The following RBFOX1 variants were observed in gnomAD, a reference collection of about 807,000 sequenced individuals.
The protein encoded by RBFOX1 is RNA binding protein fox-1 homolog 1.
Under a neutral mutation model 57.7 loss-of-function variants are expected in RBFOX1, and 8 were observed. The ratio of observed to expected loss-of-function variants is 0.14; its 90% confidence interval spans 0.08 to 0.25. The LOEUF is 0.25. Among genes scored for constraint, RBFOX1 ranks in the 10% least tolerant of loss-of-function variants. The probability of loss-of-function intolerance (pLI) is 1.00; values close to 1 mark genes in which losing one functional copy is unlikely to be tolerated. For synonymous variants in RBFOX1, 326 were observed against 222.4 expected (o/e 1.47, Z -4.15); for missense variants, 611 against 548.5 (o/e 1.11, Z -1.14).
In RBFOX1 at chr16:5,946,079, T is replaced by C. The variant is rs187336288; in HGVS notation, c.351+78744T>C. Among the ~76,000 whole-genome samples, 7 of 152,190 alleles carry C rather than the reference T, an allele frequency of 4.6e-5. No individual in the cohort carries two copies. The highest frequency in any genetic ancestry group is 8.8e-5 in the Non-Finnish European group (6 of 68,034). ...AGTGAGGGGGAGACAGGGTTTTAATTAGTGGACTGACTTACCCGCTATTCT... is the reference window on the plus strand; with the variant it reads ...AGTGAGGGGGAGACAGGGTTTTAATCAGTGGACTGACTTACCCGCTATTCT... On this transcript the variant is annotated intron_variant, in intron 4 of 19. Coordinates refer to the RBFOX1 transcript ENST00000641259. This position sits in a 1 kb window ranked among gnomAD's most constrained non-coding sequence, Gnocchi z 4.6.
chr16:7,061,787 A>T (rs921925291), intron 4 of RBFOX1, among the ~76,000 whole-genome samples: 4 of 152,104 alleles, frequency 2.6e-5, no homozygotes, highest in Admixed American at 2.6e-4. Context: ...CATTTCTATG[A>T]CTGATGCCTC....
chr16:7,496,853 T>G (rs12448059), intron 4 of RBFOX1, among the ~76,000 whole-genome samples: 91,043 of 151,854 alleles, frequency 0.6, 28,626 homozygotes, highest in Middle Eastern at 0.73. Flanking sequence ...GTTTAAAAAT[T>G]AATTATTTTG....
intron 2 of RBFOX1, among the ~76,000 whole-genome samples, chr16:6,343,676 CT>C (rs1447684532): frequency 1.3e-5 from 2 of 152,130 alleles, no homozygotes; most frequent in Non-Finnish European, 2.9e-5. Flanking sequence ...TTTTGAATTG[CT>C]AGCTACTGTT....
intron 4 of RBFOX1, among the ~76,000 whole-genome samples, chr16:7,279,197 G>A (rs992581803): frequency 4.0e-5 from 6 of 150,242 alleles, no homozygotes; most frequent in African/African-American, 1.5e-4. Flanking sequence ...TACCCTCTCT[G>A]ACTTACACAG....
chr16:7,199,923 AC>A (rs1460876635), intron 4 of RBFOX1, among the ~76,000 whole-genome samples: 2 of 152,124 alleles, frequency 1.3e-5, no homozygotes, highest in African/African-American at 4.8e-5. Context: ...AACAACAACA[AC>A]AACAACAAAG....
chr16:7,599,693 T>G (rs1341475389), intron 9 of RBFOX1, among the ~76,000 whole-genome samples: 3 of 134,880 alleles, frequency 2.2e-5, no homozygotes, highest in African/African-American at 9.6e-5. Context: ...TCACCCAGGC[T>G]GGAGGGCAGT....
At chr16:6,065,264 G>A (rs575874570) in intron 1 of RBFOX1, among the ~76,000 whole-genome samples, 1 of 150,660 alleles carries the variant, frequency 6.6e-6, no homozygotes, top group African/African-American at 2.4e-5. Context: ...CAAACTCCTG[G>A]TCTCAAGCAA....
chr16:7,058,602 GTCT>G (rs1428896288), intron 4 of RBFOX1, among the ~76,000 whole-genome samples: 1 of 152,040 alleles, frequency 6.6e-6, no homozygotes, highest in Non-Finnish European at 1.5e-5. Flanking sequence ...ATGCGCATGT[GTCT>G]TCGTGTTTGT....
chr16:5,383,836 G>C (rs1196464636), intron 1 of RBFOX1, among the ~76,000 whole-genome samples: 4 of 152,206 alleles, frequency 2.6e-5, no homozygotes, highest in Non-Finnish European at 1.5e-5. Flanking sequence ...TAGTAGAAAA[G>C]AGAGTTTATT....
intron 3 of RBFOX1, among the ~76,000 whole-genome samples, chr16:6,829,971 C>G (rs1270541438): frequency 6.6e-6 from 1 of 151,594 alleles, no homozygotes; most frequent in African/African-American, 2.4e-5. Flanking sequence ...GGCTGGAGTG[C>G]AGTGGTGCAG....
intron 2 of RBFOX1, among the ~76,000 whole-genome samples, chr16:6,358,467 G>C (rs1053588504): frequency 3.9e-5 from 6 of 152,168 alleles, no homozygotes; most frequent in African/African-American, 1.2e-4. Flanking sequence ...CTTAAATTTT[G>C]TTTGGATTAA....
intron 4 of RBFOX1, among the ~76,000 whole-genome samples, chr16:5,918,338 T>C (rs2058751890): frequency 6.6e-6 from 1 of 152,190 alleles, no homozygotes; most frequent in Non-Finnish European, 1.5e-5. Context: ...CAGGCTGGTC[T>C]CGAACTTCTG....
At chr16:7,456,245 C>T (rs1454417520) in intron 4 of RBFOX1, among the ~76,000 whole-genome samples, 1 of 152,180 alleles carries the variant, frequency 6.6e-6, no homozygotes, top group African/African-American at 2.4e-5. Context: ...ACCCTCCTCT[C>T]AACATTGCCT....
chr16:7,063,384 T>G (rs1352264207), intron 4 of RBFOX1, among the ~76,000 whole-genome samples: 1 of 152,150 alleles, frequency 6.6e-6, no homozygotes, highest in African/African-American at 2.4e-5. Flanking sequence ...GAACTTGTGA[T>G]GTTACGGGAT....
intron 3 of RBFOX1, among the ~76,000 whole-genome samples, chr16:6,818,913 G>A (rs991145077): frequency 2.0e-5 from 3 of 152,108 alleles, no homozygotes; most frequent in African/African-American, 7.3e-5. Context: ...TTTCCTCTGG[G>A]CATGCTGAAC....
At chr16:7,054,232 GCT>G (rs1491583394) in intron 4 of RBFOX1, among the ~76,000 whole-genome samples, 3 of 32,704 alleles carry the variant, frequency 9.2e-5, no homozygotes, top group Admixed American at 4.4e-4. Flanking sequence ...GGGGCGGGGA[GCT>G]TTTTTTTTTT....
At chr16:7,009,521 T>G (rs1274271520) in intron 3 of RBFOX1, among the ~76,000 whole-genome samples, 1 of 152,050 alleles carries the variant, frequency 6.6e-6, no homozygotes, top group Admixed American at 6.6e-5. Context: ...AGACTTGCAT[T>G]AATTGTGAAA....
At chr16:6,309,882 G>A (rs769405059) in intron 1 of RBFOX1, among the ~76,000 whole-genome samples, 4 of 152,188 alleles carry the variant, frequency 2.6e-5, no homozygotes, top group Non-Finnish European at 5.9e-5. Flanking sequence ...ATGCAATGAC[G>A]CTTATTGACT....
chr16:6,288,584 C>A (rs1344475), intron 1 of RBFOX1, among the ~76,000 whole-genome samples: 143,312 of 152,236 alleles, frequency 0.94, 68,103 homozygotes, highest in East Asian at 1. Flanking sequence ...GGCTGAAAAC[C>A]TGAAACTCAG....
Sources: gnomAD v4.1 joint callset for allele counts (sites outside exome capture counted in the v4.1 genomes callset) on GRCh38, gnomAD v4.1.1 for gene constraint, Gnocchi (gnomAD v3.1) non-coding constraint, MANE v1.5 for transcripts, NCBI Gene and HGNC (gene_info 2026-07-23, HGNC 2026-07-21) for gene names.